Variants in CEP192 observed in about 807,000 individuals in gnomAD.
CEP192 encodes centrosomal protein of 192 kDa.
CEP192 carries 151 observed loss-of-function variants against 271.8 expected under a neutral mutation model. The ratio of observed to expected loss-of-function variants is 0.56; its 90% CI spans 0.49 to 0.64. The LOEUF is 0.64. CEP192 is among the 30% of genes least tolerant of loss of function. The probability of loss-of-function intolerance (pLI) is 0.00; values close to 1 mark genes in which losing one functional copy is unlikely to be tolerated. For missense variants in CEP192, 2,910 were observed against 3,020.5 expected (o/e 0.96, Z 0.86); for synonymous variants, 995 against 1,076.5 (o/e 0.92, Z 1.48).
chr18:13,104,906 C>A, intron 39 of CEP192, 78 bp from the exon 40 acceptor site: 1 of 1,063,556 alleles, frequency 9.4e-7, no homozygotes, highest in Non-Finnish European at 1.5e-6. Context: ...TCTCCGCAGC[C>A]ATAGAGGTAA....
chr18:13,061,473 A>T (rs1204166493), intron 21 of CEP192, among the ~76,000 whole-genome samples: 1 of 152,274 alleles, frequency 6.6e-6, no homozygotes, highest in Non-Finnish European at 1.5e-5. Context: ...CACGTTCTCT[A>T]GGGGAATGCT....
At chr18:13,120,259 C>G (rs949009746) in intron 44 of CEP192, among the ~76,000 whole-genome samples, 21 of 151,386 alleles carry the variant, frequency 1.4e-4, no homozygotes, top group Non-Finnish European at 3.0e-4. Flanking sequence ...TGAAAGATGC[C>G]TAAAACATTT....
At chr18:13,074,678 G>A (rs2144505889) in intron 30 of CEP192, among the ~76,000 whole-genome samples, 1 of 152,302 alleles carries the variant, frequency 6.6e-6, no homozygotes, top group East Asian at 1.9e-4. Flanking sequence ...GAGGTGGGCT[G>A]GATGGGGTTT....
intron 30 of CEP192, among the ~76,000 whole-genome samples, chr18:13,077,651 C>T (rs969368237): frequency 1.3e-5 from 2 of 152,172 alleles, no homozygotes; most frequent in Non-Finnish European, 2.9e-5. Context: ...GCTGCTTCCT[C>T]CGTTGACAAT....
At chr18:13,062,380 C>T (rs898765693) in intron 21 of CEP192, among the ~76,000 whole-genome samples, 3 of 152,130 alleles carry the variant, frequency 2.0e-5, no homozygotes, top group African/African-American at 4.8e-5. Context: ...CGTGATAAAG[C>T]GTCTCCCAGG....
chr18:13,030,728 A>T, intron 11 of CEP192, 120 bp downstream of exon 11: 1 of 749,586 alleles, frequency 1.3e-6, no homozygotes, highest in Non-Finnish European at 2.1e-6. Flanking sequence ...GTATTCTGGA[A>T]GCACTTCACT....
chr18:13,057,794 T>A (rs1296359803), intron 20 of CEP192, 61 bp downstream of exon 20: 1 of 1,524,226 alleles, frequency 6.6e-7, no homozygotes, highest in Admixed American at 1.7e-5. Context: ...GTGCTTGATT[T>A]CCCCCATCTC....
chr18:13,009,257 TCTC>T (rs1398515044), intron 4 of CEP192, among the ~76,000 whole-genome samples: 1 of 152,164 alleles, frequency 6.6e-6, no homozygotes, highest in Admixed American at 6.5e-5. Context: ...ATAGGAAAGG[TCTC>T]CTCTTAACCT....
At chr18:13,027,056 T>C (rs2035342236) in intron 9 of CEP192, among the ~76,000 whole-genome samples, 1 of 152,152 alleles carries the variant, frequency 6.6e-6, no homozygotes, top group Non-Finnish European at 1.5e-5. Flanking sequence ...CATAATGCTG[T>C]GATTCAGTCT....
chr18:13,029,727 A>C lies in CEP192; in HGVS notation c.1115A>C (p.Asp372Ala). Residue 372 changes from aspartate (D) to alanine (A), a missense_variant, in exon 10 of 45, where the codon GAT (aspartate) becomes GCT (alanine). Physicochemically the swap from Asp to Ala is moderately radical, Grantham distance 126. Transcript: ENST00000506447. ...LRAIDVKLNS[D>A]NFHDANANRG... ...GCTATTGATGTGAAACTTAACTCTG[A>C]TAATTTTCATGATGCAAATGCCAAT... 1 of 1,551,544 alleles carries C rather than the reference A, an allele frequency of 6.4e-7. No homozygotes were observed.
rs1568334184 is a variant in CEP192, at chr18:13,049,398, T to C, written c.2607T>C (p.Asn869=). The C allele has an allele frequency of 1.9e-6, 3 of 1,614,066 alleles. No individual in the cohort carries two copies. The highest frequency in any genetic ancestry group is 2.2e-5 in the East Asian group (1 of 44,864). Residue 869 remains asparagine (N), a synonymous_variant, in exon 16 of 45, where the codon AAT becomes AAC. Transcript: ENST00000506447. ...RTINSSNSVT[N]RENNSAVVDV... is the part of the protein sequence containing the mutation. ...TAAACTCCTCAAATTCAGTTACAAA[T>C]AGAGAGAATAACAGTGCAGTAGTTG... is the stretch of plus-strand genomic sequence containing the variant.
chr18:13,022,689 C>G (rs1363248142), intron 9 of CEP192, among the ~76,000 whole-genome samples: 2 of 152,104 alleles, frequency 1.3e-5, no homozygotes, highest in East Asian at 1.9e-4. Context: ...CCTGTGTAAT[C>G]TTTAGAATCA....
intron 21 of CEP192, among the ~76,000 whole-genome samples, chr18:13,060,184 T>G (rs2037332727): frequency 6.6e-6 from 1 of 152,218 alleles, no homozygotes; most frequent in Non-Finnish European, 1.5e-5. Flanking sequence ...TCTGCACGCC[T>G]AGACCTTATG....
intron 21 of CEP192, 70 bp downstream of exon 21, chr18:13,059,382 A>C: frequency 7.6e-7 from 1 of 1,316,816 alleles, no homozygotes; most frequent in South Asian, 1.4e-5. Flanking sequence ...TTAGAAGTAA[A>C]ATTTGGGAAA....
Position 13,042,335 on chromosome 18 carries a change from G to GT in CEP192, c.2067+2dup. On this transcript the variant is annotated splice_donor_variant, in intron 15 of 44. Coordinates refer to ENST00000506447, the MANE Select transcript of CEP192 (RefSeq NM_032142.4). LOFTEE classifies it high-confidence loss of function. The stretch of plus-strand genomic sequence containing the variant: ...AACGGCTGATAAAGGCAAAACAGAG[G>GT]TAGCTTCAGCCTTTCGTAAGGAAAT... 1 of 1,613,694 alleles carries GT rather than the reference G, an allele frequency of 6.2e-7. No individual in the cohort carries two copies. The highest frequency in any genetic ancestry group is 2.2e-5 in the East Asian group (1 of 44,838).
chr18:13,103,410 G>A (rs1348683424), intron 38 of CEP192, 99 bp from the exon 39 acceptor site: 1 of 870,276 alleles, frequency 1.1e-6, no homozygotes, highest in Non-Finnish European at 1.9e-6. Flanking sequence ...AATGATTGGG[G>A]TTTTTTAACC....
At chr18:13,093,328 C>T (rs940883720) in intron 34 of CEP192, among the ~76,000 whole-genome samples, 1 of 152,192 alleles carries the variant, frequency 6.6e-6, no homozygotes, top group African/African-American at 2.4e-5. Context: ...AAAACAACAA[C>T]AAAAATAACC....
chr18:13,042,358 A>G, intron 15 of CEP192, 24 bp downstream of exon 15: 1 of 1,612,284 alleles, frequency 6.2e-7, no homozygotes, highest in African/African-American at 1.3e-5. Context: ...TTCGTAAGGA[A>G]ATCTAAGATT....
rs939930514 is a variant in CEP192 at position 13,087,003 on chromosome 18, T to C, written c.5617-14T>C. Reference sequence around the variant, plus strand: ...TAACATTAAAATAATTTTGGATATGTATATCTTTTTTAGATACCTTTGTCT... The same window carrying C: ...TAACATTAAAATAATTTTGGATATGCATATCTTTTTTAGATACCTTTGTCT... On this transcript the variant is annotated splice_polypyrimidine_tract_variant and intron_variant, in intron 30 of 44. Transcript: ENST00000506447. 1.9e-6 allele frequency: 3 copies of C among 1,578,324 alleles called. No homozygotes were observed. The highest frequency in any genetic ancestry group is 1.4e-5 in the African/African-American group (1 of 73,784).
Sources: gnomAD v4.1 joint callset for allele counts (sites outside exome capture counted in the v4.1 genomes callset) on GRCh38, gnomAD v4.1.1 for gene constraint, MANE v1.5 for transcripts, NCBI Gene and HGNC (gene_info 2026-07-23, HGNC 2026-07-21) for gene names.